Variants in DLGAP2 observed in about 807,000 individuals in gnomAD.
DLGAP2 encodes DLG associated protein 2.
In DLGAP2, 26 loss-of-function variants were observed where a neutral mutation model predicts 100.3. That is an observed-to-expected ratio of 0.26 (90% CI 0.19 to 0.36). The LOEUF is 0.36. Among genes scored for constraint, DLGAP2 ranks in the 10% least tolerant of loss-of-function variants. The pLI, the probability that DLGAP2 is intolerant of heterozygous loss-of-function variation, is 1.00. For missense variants in DLGAP2, 1,858 were observed against 1,453.2 expected (o/e 1.28, Z -4.53); for synonymous variants, 886 against 630.1 (o/e 1.41, Z -6.08).
At chr8:1,342,997 C>T (rs538677663) in intron 3 of DLGAP2, among the ~76,000 whole-genome samples, 4 of 152,304 alleles carry the variant, frequency 2.6e-5, no homozygotes, top group South Asian at 2.1e-4. Context: ...GTGCTGGGAG[C>T]ACAGAGATTA....
chr8:1,187,569 C>G (rs921047456), intron 2 of DLGAP2, among the ~76,000 whole-genome samples: 2 of 147,136 alleles, frequency 1.4e-5, no homozygotes, highest in Non-Finnish European at 3.0e-5. Context: ...CTCACGGAAT[C>G]TCGCACGCCC....
chr8:1,073,364 C>T (rs1052997130), intron 2 of DLGAP2, among the ~76,000 whole-genome samples: 7 of 151,572 alleles, frequency 4.6e-5, no homozygotes, highest in Admixed American at 1.3e-4. Context: ...GTAGTTAATA[C>T]GTTAAGAAAT....
At chr8:1,687,557 G>A (rs1008320130) in intron 12 of DLGAP2, among the ~76,000 whole-genome samples, 2 of 152,290 alleles carry the variant, frequency 1.3e-5, no homozygotes, top group South Asian at 2.1e-4. Flanking sequence ...CCATTAGCAG[G>A]CATGTCATTA....
intron 2 of DLGAP2, among the ~76,000 whole-genome samples, chr8:912,954 G>C (rs1052025537): frequency 3.9e-5 from 6 of 152,126 alleles, no homozygotes; most frequent in Non-Finnish European, 7.3e-5. Context: ...CCCCTCAGTA[G>C]CTGCAGTTGC....
At chr8:1,374,962 G>A (rs1346804521) in intron 3 of DLGAP2, among the ~76,000 whole-genome samples, 5 of 151,484 alleles carry the variant, frequency 3.3e-5, no homozygotes, top group African/African-American at 4.9e-5. Context: ...GCAGGTGGTC[G>A]ATCTCAAGCC....
intron 3 of DLGAP2, among the ~76,000 whole-genome samples, chr8:1,376,130 C>T (rs888539137): frequency 8.0e-5 from 12 of 150,886 alleles, no homozygotes; most frequent in East Asian, 1.9e-4. Flanking sequence ...ACTGAGCCCC[C>T]ACCTCCTACA....
intron 1 of DLGAP2, among the ~76,000 whole-genome samples, chr8:819,688 C>G (rs533582265): frequency 6.6e-6 from 1 of 152,124 alleles, no homozygotes; most frequent in Admixed American, 6.5e-5. Flanking sequence ...GGCGCATCCT[C>G]AGAAAGAATA....
intron 4 of DLGAP2, among the ~76,000 whole-genome samples, chr8:1,546,434 G>C (rs1202124528): frequency 6.6e-6 from 1 of 152,164 alleles, no homozygotes; most frequent in Non-Finnish European, 1.5e-5. Context: ...GACTTCCCAG[G>C]GACTCATGAA....
intron 2 of DLGAP2, among the ~76,000 whole-genome samples, chr8:1,190,285 A>G (rs1003230841): frequency 6.6e-5 from 10 of 152,166 alleles, no homozygotes; most frequent in South Asian, 2.1e-4. Flanking sequence ...TATGGCACCA[A>G]CGTGCCCTCC....
chr8:836,442 C>T (rs917021579), intron 1 of DLGAP2, among the ~76,000 whole-genome samples: 1 of 152,192 alleles, frequency 6.6e-6, no homozygotes, highest in African/African-American at 2.4e-5. Context: ...GTCCTGCAGG[C>T]GCCCTGGCAG....
At chr8:979,150 T>G (rs1800258075) in intron 2 of DLGAP2, among the ~76,000 whole-genome samples, 1 of 152,196 alleles carries the variant, frequency 6.6e-6, no homozygotes, top group Admixed American at 6.5e-5. Flanking sequence ...AGCTCAACAT[T>G]GTTAAGATTC....
chr8:963,427 T>G (rs1167628415), intron 2 of DLGAP2, among the ~76,000 whole-genome samples: 1 of 152,252 alleles, frequency 6.6e-6, no homozygotes, highest in Non-Finnish European at 1.5e-5. Context: ...TTTTCTTATT[T>G]AATTACCAGT....
chr8:1,051,082 C>CT, intron 2 of DLGAP2, among the ~76,000 whole-genome samples: 1 of 78,624 alleles, frequency 1.3e-5, no homozygotes, highest in East Asian at 3.1e-4. Flanking sequence ...GTGGTGGGGT[C>CT]TTTTTGTGGG....
chr8:782,252 A>G (rs1315893007), intron 1 of DLGAP2, among the ~76,000 whole-genome samples: 1 of 152,026 alleles, frequency 6.6e-6, no homozygotes, highest in African/African-American at 2.4e-5. Context: ...AAAAAACAGA[A>G]GAGAGGGGAT....
chr8:1,575,393 G>T (rs1289807613), intron 6 of DLGAP2, among the ~76,000 whole-genome samples: 1 of 151,854 alleles, frequency 6.6e-6, no homozygotes, highest in African/African-American at 2.4e-5. Flanking sequence ...AGAAGCTGGG[G>T]GTGCGGAAAA....
chr8:1,185,527 A>T (rs961974788), intron 2 of DLGAP2, among the ~76,000 whole-genome samples: 1 of 152,118 alleles, frequency 6.6e-6, no homozygotes, highest in Non-Finnish European at 1.5e-5. Flanking sequence ...GCTCCTAGGA[A>T]CCGTCATACC....
chr8:1,540,799 T>C (rs1178989858), intron 4 of DLGAP2, among the ~76,000 whole-genome samples: 1 of 152,240 alleles, frequency 6.6e-6, no homozygotes, highest in Non-Finnish European at 1.5e-5. Flanking sequence ...CATACAACCA[T>C]TTCTGGATAA....
chr8:807,099 T>C (rs1208216100), intron 1 of DLGAP2, among the ~76,000 whole-genome samples: 1 of 152,250 alleles, frequency 6.6e-6, no homozygotes, highest in Non-Finnish European at 1.5e-5. Context: ...CACGCACTTC[T>C]GTATTTAGGG....
chr8:801,311 AG>A (rs1796146971), intron 1 of DLGAP2, among the ~76,000 whole-genome samples: 1 of 152,196 alleles, frequency 6.6e-6, no homozygotes, highest in Non-Finnish European at 1.5e-5. Flanking sequence ...TCATCTGAGG[AG>A]TGCAGCAGTG....
Sources: allele counts gnomAD v4.1 joint callset (sites outside exome capture counted in the v4.1 genomes callset), GRCh38; gene constraint gnomAD v4.1.1; transcripts MANE v1.5; gene names NCBI Gene and HGNC (gene_info 2026-07-23, HGNC 2026-07-21).